Variants in SIL1 observed in about 807,000 individuals in gnomAD.
The protein encoded by SIL1 is nucleotide exchange factor SIL1.
In SIL1, 40 loss-of-function variants were observed where a neutral mutation model predicts 49.1. The observed-to-expected ratio is 0.81, with a 90% CI of 0.63 to 1.06. SIL1 has a LOEUF of 1.06. Among genes scored for constraint, SIL1 ranks in the 50% least tolerant of loss-of-function variants. SIL1 has a pLI of 0.00. For missense variants in SIL1, 500 were observed against 572.6 expected (o/e 0.87, Z 1.29); for synonymous variants, 253 against 250.8 (o/e 1.01, Z -0.08).
At chr5:139,124,533 G>A (rs950534819) in intron 2 of SIL1, among the ~76,000 whole-genome samples, 5 of 152,198 alleles carry the variant, frequency 3.3e-5, no homozygotes, top group East Asian at 3.9e-4. Context: ...CCCTGTTTAC[G>A]AGCCCTGGCT....
intron 3 of SIL1, among the ~76,000 whole-genome samples, chr5:139,071,013 CA>C (rs1270429419): frequency 1.3e-5 from 2 of 152,040 alleles, no homozygotes; most frequent in South Asian, 4.1e-4. Context: ...TGAAAGAGCA[CA>C]AAACTGCCTA....
intron 3 of SIL1, among the ~76,000 whole-genome samples, chr5:139,086,998 T>A (rs200993676): frequency 3.0e-4 from 46 of 151,610 alleles, no homozygotes; most frequent in East Asian, 2.1e-3. Context: ...TTTCTTTTTT[T>A]AAAAAAATTA....
At chr5:139,112,819 CG>C (rs1439499734) in intron 3 of SIL1, among the ~76,000 whole-genome samples, 1 of 152,160 alleles carries the variant, frequency 6.6e-6, no homozygotes, top group Non-Finnish European at 1.5e-5. Context: ...TCATTGAGAA[CG>C]GGCCATGATG....
chr5:139,185,600 T>C (rs1362361513), intron 1 of SIL1, among the ~76,000 whole-genome samples: 2 of 152,216 alleles, frequency 1.3e-5, no homozygotes, highest in African/African-American at 4.8e-5. Context: ...TGTTTCAAAT[T>C]TGAAAAGGCA....
intron 3 of SIL1, among the ~76,000 whole-genome samples, chr5:139,051,599 A>T (rs936628919): frequency 6.6e-6 from 1 of 152,050 alleles, no homozygotes; most frequent in Non-Finnish European, 1.5e-5. Context: ...CTCCTTTTTG[A>T]TTTCCCAGCC....
At chr5:139,108,166 C>T (rs1313504398) in intron 3 of SIL1, 1 of 152,142 alleles carries the variant, frequency 6.6e-6, no homozygotes, top group Non-Finnish European at 1.5e-5. Flanking sequence ...TGAATTTCTG[C>T]CCATAGAACC....
chr5:139,071,247 T>C (rs933828078), intron 3 of SIL1, among the ~76,000 whole-genome samples: 8 of 151,580 alleles, frequency 5.3e-5, no homozygotes, highest in African/African-American at 1.7e-4. Flanking sequence ...AGGTAACCTG[T>C]AGATTCAAAG....
chr5:139,098,474 C>A (rs1031585339), intron 3 of SIL1, among the ~76,000 whole-genome samples: 12 of 152,106 alleles, frequency 7.9e-5, no homozygotes, highest in African/African-American at 2.7e-4. Context: ...ATCTAAGATC[C>A]CAAACTATGA....
chr5:138,962,418 T>C (rs888016564), intron 7 of SIL1, among the ~76,000 whole-genome samples: 2 of 152,134 alleles, frequency 1.3e-5, no homozygotes, highest in African/African-American at 4.8e-5. Context: ...TGTTTTCAGC[T>C]GTGTGACTGA....
At chr5:139,171,062 G>A (rs1400848070) in intron 1 of SIL1, among the ~76,000 whole-genome samples, 30 of 143,086 alleles carry the variant, frequency 2.1e-4, no homozygotes, top group South Asian at 6.7e-4. Flanking sequence ...CAGCTGCCCC[G>A]TCCGGGAGGG....
chr5:139,117,267 G>C (rs181132863), intron 3 of SIL1, among the ~76,000 whole-genome samples: 1 of 152,316 alleles, frequency 6.6e-6, no homozygotes, highest in African/African-American at 2.4e-5. Flanking sequence ...TTAGGAGCTG[G>C]GGCTTAGAGC....
intron 3 of SIL1, 83 bp downstream of exon 3, chr5:139,120,952 G>A (rs1750615834): frequency 1.3e-6 from 2 of 1,560,634 alleles, no homozygotes; most frequent in East Asian, 2.2e-5. Flanking sequence ...AGAGCAGCCT[G>A]AAGGAGCAGC....
At chr5:139,057,773 C>T (rs1204569554) in intron 3 of SIL1, among the ~76,000 whole-genome samples, 4 of 152,170 alleles carry the variant, frequency 2.6e-5, no homozygotes, top group African/African-American at 7.2e-5. Flanking sequence ...ATAAACAATA[C>T]AAATTTATTG....
At chr5:139,189,592 C>T (rs1417673258) in intron 1 of SIL1, among the ~76,000 whole-genome samples, 1 of 152,128 alleles carries the variant, frequency 6.6e-6, no homozygotes. Flanking sequence ...GAGGTCCAGG[C>T]GGGTGGATCA....
At chr5:139,194,538 C>T (rs376739663) in intron 1 of SIL1, among the ~76,000 whole-genome samples, 1 of 152,104 alleles carries the variant, frequency 6.6e-6, no homozygotes, top group African/African-American at 2.4e-5. Context: ...AGTTTAAGGC[C>T]GACTCAGAAA....
At chr5:139,035,435 C>A in intron 5 of SIL1, 2 of 539,788 alleles carry the variant, frequency 3.7e-6, no homozygotes, top group African/African-American at 1.9e-5. Flanking sequence ...CTGCCTCAAT[C>A]AGGGCCTGTC....
At chr5:139,144,989 A>C (rs1484289052) in intron 1 of SIL1, among the ~76,000 whole-genome samples, 1 of 152,242 alleles carries the variant, frequency 6.6e-6, no homozygotes, top group Non-Finnish European at 1.5e-5. Flanking sequence ...GGTAAAAGAA[A>C]AATAAATTGA....
intron 1 of SIL1, among the ~76,000 whole-genome samples, chr5:139,173,449 C>T (rs1751815129): frequency 6.6e-6 from 1 of 151,972 alleles, no homozygotes; most frequent in African/African-American, 2.4e-5. Flanking sequence ...ACTCAGGAGG[C>T]TGAGGCAAGA....
chr5:139,121,013 G>A, intron 3 of SIL1, 22 bp downstream of exon 3: 1 of 1,613,640 alleles, frequency 6.2e-7, no homozygotes, highest in South Asian at 1.1e-5. Context: ...GTGTTTTGTG[G>A]GGACAGGGCT....
Sources: allele counts gnomAD v4.1 joint callset (sites outside exome capture counted in the v4.1 genomes callset), GRCh38; gene constraint gnomAD v4.1.1; transcripts MANE v1.5; gene names NCBI Gene and HGNC (gene_info 2026-07-23, HGNC 2026-07-21).